The following DTNBP1 variants were observed in gnomAD, a reference collection of about 807,000 sequenced individuals.
DTNBP1 encodes dysbindin.
DTNBP1 carries 35 observed loss-of-function variants against 42.8 expected under a neutral mutation model. The ratio of observed to expected loss-of-function variants is 0.82; its 90% CI spans 0.63 to 1.09. The LOEUF is 1.09. Ranked by LOEUF, DTNBP1 falls within the 50% of genes least tolerant of loss-of-function variation. DTNBP1 has a pLI of 0.00. For synonymous variants in DTNBP1, 171 were observed against 162.2 expected (o/e 1.05, Z -0.41); for missense variants, 457 against 424.2 (o/e 1.08, Z -0.68).
chr6:15,659,800 C>T (rs1761497829), intron 1 of DTNBP1, among the ~76,000 whole-genome samples: 1 of 152,086 alleles, frequency 6.6e-6, no homozygotes, highest in South Asian at 2.1e-4. Context: ...GATCCGCCTG[C>T]TTCGGGCTCC....
intron 6 of DTNBP1, among the ~76,000 whole-genome samples, chr6:15,598,769 CCTTAA>C (rs1776612753): frequency 6.6e-6 from 1 of 152,140 alleles, no homozygotes; most frequent in African/African-American, 2.4e-5. Context: ...ACTCTCTATA[CCTTAA>C]AAGTCTCTGT....
intron 7 of DTNBP1, among the ~76,000 whole-genome samples, chr6:15,567,033 G>A (rs951037906): frequency 6.6e-6 from 1 of 152,070 alleles, no homozygotes; most frequent in African/African-American, 2.4e-5. Context: ...TCCCCTTCCA[G>A]ACCCTCCCAA....
At chr6:15,570,685 T>C (rs1388762778) in intron 7 of DTNBP1, among the ~76,000 whole-genome samples, 1 of 152,256 alleles carries the variant, frequency 6.6e-6, no homozygotes, top group African/African-American at 2.4e-5. Flanking sequence ...CCGATAATTT[T>C]TGTTTACAGT....
intron 1 of DTNBP1, among the ~76,000 whole-genome samples, chr6:15,658,400 G>A (rs1287452744): frequency 6.6e-6 from 1 of 152,198 alleles, no homozygotes; most frequent in Non-Finnish European, 1.5e-5. Context: ...CCTTTGTGTA[G>A]GTTTTGGTAG....
chr6:15,583,313 T>G (rs1158787869), intron 7 of DTNBP1, among the ~76,000 whole-genome samples: 2 of 152,170 alleles, frequency 1.3e-5, no homozygotes, highest in African/African-American at 4.8e-5. Context: ...TAGGCATACC[T>G]TTACAGGGAA....
intron 5 of DTNBP1, among the ~76,000 whole-genome samples, chr6:15,620,052 T>C (rs1327533892): frequency 6.6e-6 from 1 of 152,102 alleles, no homozygotes; most frequent in Non-Finnish European, 1.5e-5. Flanking sequence ...TATTCAAAAG[T>C]GAAAATTTGA....
At chr6:15,544,195 T>C (rs1773743455) in intron 7 of DTNBP1, among the ~76,000 whole-genome samples, 1 of 152,206 alleles carries the variant, frequency 6.6e-6, no homozygotes, top group African/African-American at 2.4e-5. Flanking sequence ...GAGACTCGCT[T>C]TTTTCACTCA....
chr6:15,549,988 C>A (rs1225607427), intron 7 of DTNBP1, among the ~76,000 whole-genome samples: 3 of 152,202 alleles, frequency 2.0e-5, no homozygotes, highest in African/African-American at 7.2e-5. Flanking sequence ...ACGCCAATCC[C>A]ACCTCACTTC....
rs1261690770 is a variant in DTNBP1 at position 15,655,665 on chromosome 6, A to C, written c.57-3525T>G. 2.5e-4 allele frequency among the ~76,000 whole-genome samples: 38 copies of C among 152,118 alleles called. 1 individual carries two copies. Among genetic ancestry groups the C allele is most frequent in the Non-Finnish European group, 5.9e-5 (4 of 67,980 alleles). On this transcript the variant is annotated intron_variant, in intron 1 of 9. Transcript: ENST00000344537. ...TAAAAAAAAAAAAAAGTAAAAAAAC[A>C]AAGTAGCCATAGGAAAGTTGAAAAT...
At chr6:15,619,284 C>T (rs150124266) in intron 5 of DTNBP1, among the ~76,000 whole-genome samples, 11 of 152,252 alleles carry the variant, frequency 7.2e-5, no homozygotes, top group Non-Finnish European at 1.0e-4. Context: ...ATTTATTACA[C>T]ACTGTGTACA....
At chr6:15,542,091 A>G (rs1581285845) in intron 7 of DTNBP1, among the ~76,000 whole-genome samples, 1 of 152,346 alleles carries the variant, frequency 6.6e-6, no homozygotes, top group African/African-American at 2.4e-5. Context: ...CTAAGAATAA[A>G]CTTTAAAAAC....
At chr6:15,595,519 G>A (rs990781377) in intron 6 of DTNBP1, among the ~76,000 whole-genome samples, 3 of 151,762 alleles carry the variant, frequency 2.0e-5, no homozygotes, top group Non-Finnish European at 2.9e-5. Flanking sequence ...CACCTGCCTC[G>A]GCCTCCCAAA....
chr6:15,635,073 TC>T (rs751042641), intron 4 of DTNBP1, among the ~76,000 whole-genome samples: 12 of 152,202 alleles, frequency 7.9e-5, no homozygotes, highest in Non-Finnish European at 1.5e-4. Context: ...TTATAAGTGA[TC>T]TATCTTCTCT....
chr6:15,625,433 A>G (rs1029415087), intron 5 of DTNBP1, among the ~76,000 whole-genome samples: 18 of 152,230 alleles, frequency 1.2e-4, no homozygotes, highest in Non-Finnish European at 2.9e-5. Flanking sequence ...ATGTTCTCAG[A>G]TTACTAAAAA....
chr6:15,561,404 C>A (rs753009972), intron 7 of DTNBP1, among the ~76,000 whole-genome samples: 8 of 152,184 alleles, frequency 5.3e-5, no homozygotes, highest in Non-Finnish European at 1.2e-4. Context: ...TAAGTTAACT[C>A]AATATTTTAT....
Position 15,522,936 on chromosome 6 carries a change from CTG to C in DTNBP1, c.*37_*38del. 6.2e-7 allele frequency: 1 copy of C among 1,614,236 alleles called. No individual in the cohort carries two copies. Among genetic ancestry groups the C allele is most frequent in the Non-Finnish European group, 8.5e-7 (1 of 1,180,050 alleles). On this transcript the variant is annotated 3_prime_UTR_variant, in exon 10 of 10. Coordinates refer to ENST00000344537, the MANE Select transcript of DTNBP1 (RefSeq NM_032122.5). ...GGTGGAATTCCGCATACAGCCAAAACTGGATTCCAGTGTGGCCAGACAACGCC... is the reference window on the plus strand; with the variant it reads ...GGTGGAATTCCGCATACAGCCAAAACGATTCCAGTGTGGCCAGACAACGCC...
intron 5 of DTNBP1, among the ~76,000 whole-genome samples, chr6:15,621,741 T>A (rs918631046): frequency 6.6e-6 from 1 of 152,150 alleles, no homozygotes; most frequent in Non-Finnish European, 1.5e-5. Flanking sequence ...CCACAAACTG[T>A]TTACTTCACT....
rs546870888 is a variant in DTNBP1, at chr6:15,649,517, A to C, written c.161+1796T>G. On this transcript the variant is annotated intron_variant, in intron 3 of 9. Transcript: ENST00000344537. ...GGATGGAGAGGAGGGAGTAGAAATG[A>C]GAGTTGTTGGTTAACAGGTACAGAG... 3.9e-5 allele frequency among the ~76,000 whole-genome samples: 6 copies of C among 152,290 alleles called. No homozygotes were observed. The East Asian group carries it at 1.2e-3, about 29-fold the overall frequency.
chr6:15,593,402 C>T (rs983169174), intron 6 of DTNBP1, among the ~76,000 whole-genome samples: 1 of 152,228 alleles, frequency 6.6e-6, no homozygotes, highest in Non-Finnish European at 1.5e-5. Flanking sequence ...TGAACCATCT[C>T]ATACATGTAA....
Sources: gnomAD v4.1 joint callset for allele counts (sites outside exome capture counted in the v4.1 genomes callset) on GRCh38, gnomAD v4.1.1 for gene constraint, MANE v1.5 for transcripts, NCBI Gene and HGNC (gene_info 2026-07-23, HGNC 2026-07-21) for gene names.